UBAC2: variants seen among roughly 807,000 people sequenced by gnomAD.
The protein encoded by UBAC2 is UBA domain containing 2, also known as ubiquitin-associated domain-containing protein 2.
A neutral mutation model predicts 44.0 loss-of-function variants in UBAC2; 26 were observed. The ratio of observed to expected loss-of-function variants is 0.59; its 90% CI spans 0.43 to 0.82. The LOEUF (loss-of-function observed/expected upper bound fraction) is 0.82. Ranked by LOEUF, UBAC2 falls within the 40% of genes least tolerant of loss-of-function variation. The pLI, the probability that UBAC2 is intolerant of heterozygous loss-of-function variation, is 0.00. For missense variants in UBAC2, 329 were observed against 419.4 expected (o/e 0.78, Z 1.88); for synonymous variants, 155 against 154.3 (o/e 1.00, Z -0.04).
chr13:99,283,713 C>T lies in UBAC2; in HGVS notation c.390-30384C>T, dbSNP rs1462361569. Among the ~76,000 whole-genome samples, 4 of 62,564 alleles carry T rather than the reference C, an allele frequency of 6.4e-5. No homozygotes were observed. In the East Asian group the frequency reaches 2.5e-3, roughly 38 times the overall value. The allele number at this position is 62,564 out of a possible 152,430, so 41.0% of individuals were successfully genotyped here. ...CATTTCCTTAATGCCTTAATGCCAC[C>T]TTTTTTTTTTTTTTTTTTTTTTTTT... On this transcript the variant is annotated intron_variant, in intron 4 of 8. Transcript: ENST00000403766.
At chr13:99,272,591 C>A (rs1307637799) in intron 4 of UBAC2, among the ~76,000 whole-genome samples, 1 of 152,164 alleles carries the variant, frequency 6.6e-6, no homozygotes, top group Admixed American at 6.5e-5. Context: ...TGGTCAAGTT[C>A]TGGTGAGGGC....
intron 4 of UBAC2, chr13:99,255,648 T>G (rs1357137531): frequency 2.5e-6 from 4 of 1,613,940 alleles, no homozygotes; most frequent in Non-Finnish European, 3.4e-6. Context: ...TTCGAAAGGG[T>G]AAAGTCATTA....
At chr13:99,375,095 G>T (rs1322925811) in intron 8 of UBAC2, among the ~76,000 whole-genome samples, 1 of 152,122 alleles carries the variant, frequency 6.6e-6, no homozygotes, top group African/African-American at 2.4e-5. Context: ...ACCAACTTTT[G>T]TGGGGTGTCT....
chr13:99,368,802 G>A (rs2045368370), intron 8 of UBAC2, among the ~76,000 whole-genome samples: 1 of 151,874 alleles, frequency 6.6e-6, no homozygotes, highest in African/African-American at 2.4e-5. Context: ...CTACTGCCCA[G>A]ATCTGGTTTC....
intron 1 of UBAC2, among the ~76,000 whole-genome samples, chr13:99,237,824 A>G (rs2043256297): frequency 6.6e-6 from 1 of 152,102 alleles, no homozygotes; most frequent in African/African-American, 2.4e-5. Flanking sequence ...GCATGGTGGC[A>G]CGTGCCTGTA....
rs1304340889 is a variant in UBAC2, at chr13:99,263,827, G to T, written c.389+19203G>T. Among the ~76,000 whole-genome samples, 3 of 152,182 alleles carry T rather than the reference G, an allele frequency of 2.0e-5. No homozygotes were observed. The East Asian group carries it at 5.8e-4, about 29-fold the overall frequency. On this transcript the variant is annotated intron_variant, in intron 4 of 8. Transcript: ENST00000403766. ...ATCACAATTGATGATACACAGGGCA[G>T]ATAGAACAACATGGATGAATCTCAT...
chr13:99,286,095 G>C (rs758721629), intron 4 of UBAC2, among the ~76,000 whole-genome samples: 2 of 152,184 alleles, frequency 1.3e-5, no homozygotes, highest in African/African-American at 4.8e-5. Context: ...TCCTGGAGGC[G>C]CTGGATCTGG....
Position 99,280,359 on chromosome 13 carries a change from GA to G in UBAC2, c.390-33737del, listed in dbSNP as rs1028800094. Among the ~76,000 whole-genome samples, 66 of 152,244 alleles carry G rather than the reference GA, an allele frequency of 4.3e-4. 1 individual carries two copies. Among genetic ancestry groups the G allele is most frequent in the African/African-American group, 1.4e-3 (60 of 41,528 alleles). ...GCATACATCATTACAGATTTCTCTGGATTCATTTATTACGACAATTGTGGTT... is the reference window on the plus strand; with the variant it reads ...GCATACATCATTACAGATTTCTCTGGTTCATTTATTACGACAATTGTGGTT... On this transcript the variant is annotated intron_variant, in intron 4 of 8. Transcript: ENST00000403766.
chr13:99,379,705 C>G (rs919325346), intron 8 of UBAC2, among the ~76,000 whole-genome samples: 3 of 152,224 alleles, frequency 2.0e-5, no homozygotes. Flanking sequence ...GTTTATCCTT[C>G]TGTTTCTTCA....
intron 4 of UBAC2, among the ~76,000 whole-genome samples, chr13:99,285,549 C>T (rs907537854): frequency 2.0e-5 from 3 of 151,992 alleles, no homozygotes; most frequent in Non-Finnish European, 2.9e-5. Context: ...TGTGCCACCA[C>T]GCCCAGCTAA....
At chr13:99,314,498 C>G (rs1566498498) in intron 5 of UBAC2, among the ~76,000 whole-genome samples, 1 of 152,138 alleles carries the variant, frequency 6.6e-6, no homozygotes, top group Admixed American at 6.5e-5. Flanking sequence ...TGTACAATTG[C>G]ATGTGCGTAC....
chr13:99,375,791 T>C (rs1042280715), intron 8 of UBAC2, among the ~76,000 whole-genome samples: 4 of 148,558 alleles, frequency 2.7e-5, no homozygotes, highest in Non-Finnish European at 5.9e-5. Flanking sequence ...TTTTCTCTTT[T>C]CCTTTTTCCC....
At chr13:99,305,452 G>A (rs555684945) in intron 4 of UBAC2, among the ~76,000 whole-genome samples, 1 of 152,254 alleles carries the variant, frequency 6.6e-6, no homozygotes, top group East Asian at 1.9e-4. Context: ...CCCTGTAAAC[G>A]GCTTTATTAG....
chr13:99,293,942 A>C (rs187139105), intron 4 of UBAC2, among the ~76,000 whole-genome samples: 1 of 152,334 alleles, frequency 6.6e-6, no homozygotes, highest in East Asian at 1.9e-4. Context: ...GTCATTGCCA[A>C]CAGAGAATAC....
rs574854449 is a variant in UBAC2, at chr13:99,295,672, T to C, written c.390-18425T>C. The C allele has an allele frequency of 6.2e-7, 1 of 1,614,172 alleles. No individual in the cohort carries two copies. ...GGAGTGGGAGTGTCTGAGCAAATAC[T>C]AGAATCCAGACAAATATGCACACGC... On this transcript the variant is annotated intron_variant, in intron 4 of 8. Coordinates refer to ENST00000403766, the MANE Select transcript of UBAC2 (RefSeq NM_001144072.2). This position sits in a 1 kb window ranked among gnomAD's most constrained non-coding sequence, Gnocchi z 4.1.
chr13:99,302,978 T>C (rs538469760), intron 4 of UBAC2, among the ~76,000 whole-genome samples: 12 of 149,374 alleles, frequency 8.0e-5, no homozygotes, highest in Admixed American at 1.3e-4. Flanking sequence ...CAGCATAGAG[T>C]TGACTGTGGT....
At chr13:99,244,837 CT>C (rs371728608) in intron 4 of UBAC2, among the ~76,000 whole-genome samples, 36,447 of 145,432 alleles carry the variant, frequency 0.25, 5,339 homozygotes, top group Non-Finnish European at 0.35. Flanking sequence ...ATTTATTTTA[CT>C]TTTTTTTTTT....
At chr13:99,273,801 C>T (rs777345685) in intron 4 of UBAC2, among the ~76,000 whole-genome samples, 1 of 150,890 alleles carries the variant, frequency 6.6e-6, no homozygotes, top group African/African-American at 2.4e-5. Flanking sequence ...CCATTTTTCT[C>T]AGTTCTTTCT....
chr13:99,208,181 G>C (rs975469117), intron 1 of UBAC2, among the ~76,000 whole-genome samples: 10 of 151,942 alleles, frequency 6.6e-5, no homozygotes, highest in African/African-American at 2.4e-4. Flanking sequence ...ATTTTTAGTA[G>C]AGACGGGGTT....
Sources: gnomAD v4.1 joint callset for allele counts (sites outside exome capture counted in the v4.1 genomes callset) on GRCh38, gnomAD v4.1.1 for gene constraint, Gnocchi (gnomAD v3.1) non-coding constraint, MANE v1.5 for transcripts, NCBI Gene and HGNC (gene_info 2026-07-23, HGNC 2026-07-21) for gene names.